TMEM117: variants seen among roughly 807,000 people sequenced by gnomAD.
The protein encoded by TMEM117 is transmembrane protein 117.
In TMEM117, 27 loss-of-function variants were observed where a neutral mutation model predicts 52.4. That is an observed-to-expected ratio of 0.51 (90% confidence interval 0.38 to 0.71). The LOEUF (loss-of-function observed/expected upper bound fraction) is 0.71. TMEM117 is among the 30% of genes least tolerant of loss of function. The pLI is 0.00. For missense variants in TMEM117, 556 were observed against 630.5 expected, an observed-to-expected ratio of 0.88 and a Z score of 1.26; for synonymous variants, 215 against 206.3, an observed-to-expected ratio of 1.04 and a Z score of -0.36.
intron 3 of TMEM117, among the ~76,000 whole-genome samples, chr12:44,003,011 G>A (rs967713901): frequency 5.9e-5 from 9 of 152,144 alleles, no homozygotes; most frequent in African/African-American, 2.2e-4. Flanking sequence ...ACAAAGACTA[G>A]GCCATCATTC....
intron 2 of TMEM117, among the ~76,000 whole-genome samples, chr12:43,896,796 A>G (rs936011021): frequency 1.3e-5 from 2 of 152,104 alleles, no homozygotes; most frequent in Non-Finnish European, 2.9e-5. Flanking sequence ...TCAATTGCTG[A>G]CCCACAGCTT....
At chr12:44,263,953 A>G (rs1950348884) in intron 5 of TMEM117, 1 of 152,240 alleles carries the variant, frequency 6.6e-6, no homozygotes, top group Non-Finnish European at 1.5e-5. Context: ...TTTTCAGAGC[A>G]ATAGAATTGT....
At chr12:43,902,254 A>G (rs1054689006) in intron 2 of TMEM117, among the ~76,000 whole-genome samples, 1 of 152,194 alleles carries the variant, frequency 6.6e-6, no homozygotes, top group Non-Finnish European at 1.5e-5. Flanking sequence ...CACTGGGGGA[A>G]AGATTATTTC....
At chr12:43,924,030 T>C (rs1034396067) in intron 2 of TMEM117, among the ~76,000 whole-genome samples, 9 of 152,216 alleles carry the variant, frequency 5.9e-5, no homozygotes, top group Admixed American at 4.6e-4. Context: ...CACAGCACTA[T>C]ATAAATGCCT....
At chr12:44,267,539 G>T (rs1219088277) in intron 5 of TMEM117, among the ~76,000 whole-genome samples, 2 of 152,112 alleles carry the variant, frequency 1.3e-5, no homozygotes, top group Non-Finnish European at 2.9e-5. Flanking sequence ...AATAATTAAT[G>T]TTAAGATTTA....
At chr12:44,125,708 G>T (rs992882300) in intron 3 of TMEM117, among the ~76,000 whole-genome samples, 1 of 151,900 alleles carries the variant, frequency 6.6e-6, no homozygotes, top group Non-Finnish European at 1.5e-5. Flanking sequence ...TTCTGTCTCT[G>T]TCTCCTTCAG....
intron 2 of TMEM117, among the ~76,000 whole-genome samples, chr12:43,926,953 C>G (rs1294242499): frequency 6.6e-6 from 1 of 151,718 alleles, no homozygotes; most frequent in Non-Finnish European, 1.5e-5. Flanking sequence ...TATCAACTTT[C>G]TTTTGCTTTC....
chr12:44,048,518 T>G (rs1946915716), intron 3 of TMEM117, among the ~76,000 whole-genome samples: 1 of 152,254 alleles, frequency 6.6e-6, no homozygotes, highest in African/African-American at 2.4e-5. Context: ...ATAACAGCTT[T>G]AGCTGAATCT....
Position 43,956,312 on chromosome 12 carries a change from A to G in TMEM117, c.410+11970A>G, listed in dbSNP as rs1202206477. 2.0e-5 allele frequency among the ~76,000 whole-genome samples: 3 copies of G among 152,146 alleles called. No individual in the cohort carries two copies. The East Asian group carries it at 5.8e-4, about 29-fold the overall frequency. The stretch of plus-strand genomic sequence containing the variant: ...CAAATGGCGTCTAATTAAACTAAAG[A>G]GCTTCTGCACAGTGAATGAAACTAT... On this transcript the variant is annotated intron_variant, in intron 3 of 7. Transcript: ENST00000266534.
intron 6 of TMEM117, among the ~76,000 whole-genome samples, chr12:44,373,325 T>TC (rs1247569981): frequency 1.3e-5 from 2 of 152,242 alleles, no homozygotes; most frequent in East Asian, 3.9e-4. Flanking sequence ...AACAGCCCTG[T>TC]TCCAGGTGCC....
chr12:44,236,694 A>T (rs1280073012), intron 5 of TMEM117, among the ~76,000 whole-genome samples: 1 of 152,112 alleles, frequency 6.6e-6, no homozygotes, highest in Non-Finnish European at 1.5e-5. Flanking sequence ...TTTATATTTT[A>T]AAAACACTTT....
intron 3 of TMEM117, among the ~76,000 whole-genome samples, chr12:43,954,533 A>C (rs1017238575): frequency 1.3e-5 from 2 of 152,206 alleles, no homozygotes; most frequent in African/African-American, 4.8e-5. Flanking sequence ...ATGCACATAA[A>C]CTGGAAAATC....
At chr12:44,019,995 T>A (rs985167627) in intron 3 of TMEM117, among the ~76,000 whole-genome samples, 12 of 152,202 alleles carry the variant, frequency 7.9e-5, no homozygotes, top group Admixed American at 2.0e-4. Flanking sequence ...TAGACATTCT[T>A]CCTCCTACTA....
intron 3 of TMEM117, among the ~76,000 whole-genome samples, chr12:44,065,738 C>G (rs1035793555): frequency 1.3e-5 from 2 of 152,114 alleles, no homozygotes; most frequent in African/African-American, 4.8e-5. Flanking sequence ...ATATGGTGAG[C>G]AGCAGAGATG....
chr12:44,208,907 T>C (rs945701551), intron 4 of TMEM117, among the ~76,000 whole-genome samples: 2 of 151,950 alleles, frequency 1.3e-5, no homozygotes, highest in African/African-American at 2.4e-5. Context: ...ACATTGAAAA[T>C]TGAATAAAAC....
At chr12:44,185,505 C>T (rs190361984) in intron 4 of TMEM117, among the ~76,000 whole-genome samples, 2 of 151,998 alleles carry the variant, frequency 1.3e-5, no homozygotes, top group African/African-American at 2.4e-5. Context: ...TTAAAAATAA[C>T]AAAACAAAGC....
At chr12:43,841,232 G>T (rs567966748) in intron 1 of TMEM117, among the ~76,000 whole-genome samples, 21 of 152,210 alleles carry the variant, frequency 1.4e-4, no homozygotes, top group Non-Finnish European at 2.5e-4. Context: ...TAAAGAATGA[G>T]CTGTAAGCAT....
At chr12:44,031,403 A>G (rs1489129160) in intron 3 of TMEM117, among the ~76,000 whole-genome samples, 3 of 152,120 alleles carry the variant, frequency 2.0e-5, no homozygotes, top group Admixed American at 6.5e-5. Flanking sequence ...TCTTTACAAG[A>G]TGGTTTATAG....
At chr12:43,924,193 ATTC>A (rs1944740767) in intron 2 of TMEM117, among the ~76,000 whole-genome samples, 3 of 152,154 alleles carry the variant, frequency 2.0e-5, no homozygotes, top group Admixed American at 1.3e-4. Context: ...CTCCTTGTCT[ATTC>A]TTTCTATAAC....
Sources: allele counts gnomAD v4.1 joint callset (sites outside exome capture counted in the v4.1 genomes callset), GRCh38; gene constraint gnomAD v4.1.1; transcripts MANE v1.5; gene names NCBI Gene and HGNC (gene_info 2026-07-23, HGNC 2026-07-21).